The following TMED10 variants were observed in gnomAD, a reference collection of about 807,000 sequenced individuals.
The protein encoded by TMED10 is transmembrane emp24 domain-containing protein 10.
Under a neutral mutation model 23.1 loss-of-function variants are expected in TMED10, and 7 were observed. That is an observed-to-expected ratio of 0.30 (90% CI 0.17 to 0.57). TMED10 has a LOEUF of 0.57. Among genes scored for constraint, TMED10 ranks in the 20% least tolerant of loss-of-function variants. TMED10 has a pLI of 0.91. For missense variants in TMED10, 162 were observed against 274.8 expected (o/e 0.59, Z 2.90); for synonymous variants, 113 against 106.9 (o/e 1.06, Z -0.35).
intron 1 of TMED10, among the ~76,000 whole-genome samples, chr14:75,163,080 A>G (rs965486972): frequency 6.9e-6 from 1 of 145,358 alleles, no homozygotes; most frequent in East Asian, 2.0e-4. Flanking sequence ...AAAAATAATT[A>G]AAAAAAAAAA....
chr14:75,167,098 C>T (rs143126306), intron 1 of TMED10, among the ~76,000 whole-genome samples: 6 of 152,118 alleles, frequency 3.9e-5, no homozygotes, highest in African/African-American at 7.2e-5. Context: ...CACACTACCA[C>T]GCCTGGCTAA....
At chr14:75,148,658 G>C (rs1895917840) in intron 2 of TMED10, among the ~76,000 whole-genome samples, 1 of 152,128 alleles carries the variant, frequency 6.6e-6, no homozygotes, top group Non-Finnish European at 1.5e-5. Flanking sequence ...TGAAGCACTG[G>C]GGTTCCTGAA....
At chr14:75,171,590 G>C (rs1896234389) in intron 1 of TMED10, among the ~76,000 whole-genome samples, 1 of 117,150 alleles carries the variant, frequency 8.5e-6, no homozygotes, top group Admixed American at 8.3e-5. Flanking sequence ...TGGCTTTAAA[G>C]ATGGAGGAAG....
chr14:75,137,072 G>A (rs939692162), intron 3 of TMED10: 4 of 149,420 alleles, frequency 2.7e-5, no homozygotes, highest in African/African-American at 9.9e-5. Flanking sequence ...GTGCAGTGGT[G>A]TGGTTTTGGC....
At chr14:75,170,494 T>C (rs990585057) in intron 1 of TMED10, among the ~76,000 whole-genome samples, 1 of 152,032 alleles carries the variant, frequency 6.6e-6, no homozygotes, top group African/African-American at 2.4e-5. Context: ...AAGGATGCTA[T>C]CAAAACCTAA....
intron 1 of TMED10, among the ~76,000 whole-genome samples, chr14:75,168,105 A>C (rs1311821238): frequency 1.3e-5 from 2 of 152,064 alleles, no homozygotes; most frequent in African/African-American, 4.8e-5. Flanking sequence ...GCAGGAGAGG[A>C]CCACCCATCA....
At chr14:75,174,381 G>A (rs1425985617) in intron 1 of TMED10, among the ~76,000 whole-genome samples, 2 of 152,076 alleles carry the variant, frequency 1.3e-5, no homozygotes, top group Admixed American at 1.3e-4. Context: ...CTATCAATAA[G>A]CAATAGTGAG....
At chr14:75,146,879 C>T (rs1895888827) in intron 3 of TMED10, among the ~76,000 whole-genome samples, 1 of 150,818 alleles carries the variant, frequency 6.6e-6, no homozygotes, top group South Asian at 2.1e-4. Context: ...AACAGTTGTT[C>T]AAGACTAAAC....
At chr14:75,148,890 A>G (rs175431) in intron 2 of TMED10, among the ~76,000 whole-genome samples, 149,351 of 152,338 alleles carry the variant, frequency 0.98, 73,271 homozygotes, top group East Asian at 1. Flanking sequence ...TTGAGAGGTA[A>G]AACCTTTAAT....
chr14:75,146,798 C>T (rs1895887860), intron 3 of TMED10, among the ~76,000 whole-genome samples: 1 of 152,072 alleles, frequency 6.6e-6, no homozygotes, highest in East Asian at 1.9e-4. Flanking sequence ...TCCATCCTGC[C>T]CTCTTCCTTG....
rs988072105 is a variant in TMED10 at position 75,133,195 on chromosome 14, T to C, written c.*1690A>G. The C allele has an allele frequency of 4.6e-5, 7 of 152,174 alleles. No homozygotes were observed. Among genetic ancestry groups the C allele is most frequent in the Admixed American group, 3.3e-4 (5 of 15,276 alleles). The allele number at this position is 152,174 out of a possible 1,614,324, so 9.4% of individuals were successfully genotyped here. On this transcript the variant is annotated 3_prime_UTR_variant, in exon 5 of 5. Transcript: ENST00000303575. ...TGCAAGGGTTGGAAATTTTACTTATTTTTCCTTGGTAGAAGTTATGTTAAA... is the reference window on the plus strand; with the variant it reads ...TGCAAGGGTTGGAAATTTTACTTATCTTTCCTTGGTAGAAGTTATGTTAAA...
intron 1 of TMED10, among the ~76,000 whole-genome samples, chr14:75,172,912 T>G (rs969939658): frequency 6.6e-6 from 1 of 152,252 alleles, no homozygotes; most frequent in Admixed American, 6.5e-5. Flanking sequence ...TTTTAATTTT[T>G]AGGGGGCCAA....
chr14:75,176,584 C>T lies in TMED10; in HGVS notation c.-5G>A. The T allele has an allele frequency of 6.2e-7, 1 of 1,613,928 alleles. No homozygotes were observed. The highest frequency in any genetic ancestry group is 1.1e-5 in the South Asian group (1 of 91,056). On this transcript the variant is annotated 5_prime_UTR_variant, in exon 1 of 5. Transcript: ENST00000303575. ...TGGGCCAGACAAACCAGACATGGTG[C>T]TGGAGACTCGTTCACCACCGAAGGC...
At chr14:75,141,944 A>G (rs546144654) in intron 3 of TMED10, among the ~76,000 whole-genome samples, 3 of 152,346 alleles carry the variant, frequency 2.0e-5, no homozygotes, top group Middle Eastern at 3.4e-3. Flanking sequence ...TGGACTAAGC[A>G]TTCAATACAT....
At chr14:75,141,381 C>G (rs1266794696) in intron 3 of TMED10, among the ~76,000 whole-genome samples, 1 of 152,066 alleles carries the variant, frequency 6.6e-6, no homozygotes, top group Non-Finnish European at 1.5e-5. Flanking sequence ...ACACACATAA[C>G]TGCCACACAC....
intron 1 of TMED10, among the ~76,000 whole-genome samples, chr14:75,167,176 G>A (rs1459372295): frequency 6.6e-6 from 1 of 151,904 alleles, no homozygotes; most frequent in Non-Finnish European, 1.5e-5. Context: ...TCCTGACCTC[G>A]TGATCCACCC....
intron 1 of TMED10, among the ~76,000 whole-genome samples, chr14:75,162,008 A>G (rs1470361839): frequency 6.7e-6 from 1 of 150,072 alleles, no homozygotes; most frequent in African/African-American, 2.5e-5. Context: ...GCTCAAAAAC[A>G]AAAACCAGAG....
intron 2 of TMED10, among the ~76,000 whole-genome samples, chr14:75,150,762 G>C (rs986368702): frequency 2.0e-5 from 3 of 152,136 alleles, no homozygotes; most frequent in African/African-American, 7.2e-5. Flanking sequence ...CCATTTCTCA[G>C]AATGGTCGAG....
chr14:75,138,241 T>C (rs145922551), intron 3 of TMED10, among the ~76,000 whole-genome samples: 3 of 152,346 alleles, frequency 2.0e-5, no homozygotes, highest in Admixed American at 6.5e-5. Context: ...CAAACTGCTG[T>C]TAAAATTGGG....
Sources: allele counts gnomAD v4.1 joint callset (sites outside exome capture counted in the v4.1 genomes callset), GRCh38; gene constraint gnomAD v4.1.1; transcripts MANE v1.5; gene names NCBI Gene and HGNC (gene_info 2026-07-23, HGNC 2026-07-21).